The following PARD3B variants were observed in gnomAD, a reference collection of about 807,000 sequenced individuals.
PARD3B encodes the protein partitioning defective 3 homolog B.
Under a neutral mutation model 130.2 loss-of-function variants are expected in PARD3B, and 103 were observed. The observed-to-expected ratio is 0.79, with a 90% CI of 0.67 to 0.93. The LOEUF is 0.93. Ranked by LOEUF, PARD3B falls within the 40% of genes least tolerant of loss-of-function variation. The pLI, the probability that PARD3B is intolerant of heterozygous loss-of-function variation, is 0.00. For synonymous variants in PARD3B, 583 were observed against 553.2 expected (o/e 1.05, Z -0.76); for missense variants, 1,609 against 1,499.2 (o/e 1.07, Z -1.21).
At chr2:204,780,415 G>C (rs1017341183) in intron 2 of PARD3B, among the ~76,000 whole-genome samples, 74 of 152,238 alleles carry the variant, frequency 4.9e-4, no homozygotes, top group African/African-American at 1.7e-3. Context: ...CATCTAGAAA[G>C]AAAGGAAAGC....
At chr2:205,169,431 A>G (rs1250238016) in intron 11 of PARD3B, among the ~76,000 whole-genome samples, 2 of 152,182 alleles carry the variant, frequency 1.3e-5, no homozygotes. Flanking sequence ...TAAAAAATAA[A>G]AAGTTTGTGC....
chr2:205,172,082 A>T (rs971202467), intron 11 of PARD3B, 129 bp from the exon 12 acceptor site: 6 of 858,168 alleles, frequency 7.0e-6, no homozygotes, highest in Admixed American at 3.0e-5. Context: ...TGGAAAATAA[A>T]TCACTTCTAA....
intron 2 of PARD3B, among the ~76,000 whole-genome samples, chr2:204,699,099 C>T (rs1003450232): frequency 6.6e-6 from 1 of 152,002 alleles, no homozygotes; most frequent in Non-Finnish European, 1.5e-5. Flanking sequence ...CCAAAATTAT[C>T]TCAAAAAATA....
At chr2:204,662,804 C>T (rs2035870235) in intron 1 of PARD3B, among the ~76,000 whole-genome samples, 3 of 152,098 alleles carry the variant, frequency 2.0e-5, no homozygotes, top group African/African-American at 7.2e-5. Context: ...GTTTGACCCG[C>T]CATCAGTCCA....
Position 204,673,314 on chromosome 2 carries a change from G to C in PARD3B, c.121-12867G>C, listed in dbSNP as rs1020968521. 3.9e-5 allele frequency among the ~76,000 whole-genome samples: 6 copies of C among 152,148 alleles called. No individual in the cohort carries two copies. Among genetic ancestry groups the C allele is most frequent in the African/African-American group, 1.4e-4 (6 of 41,446 alleles). ...AAAGGTACCTTTAAACATATTTAAT[G>C]CTGATGTAAAAAGTAGTAGAATTTT... is the stretch of plus-strand genomic sequence containing the variant. On this transcript the variant is annotated intron_variant, in intron 1 of 22. Transcript: ENST00000406610. This position sits in a 1 kb window ranked among gnomAD's most constrained non-coding sequence, Gnocchi z 4.7.
intron 1 of PARD3B, among the ~76,000 whole-genome samples, chr2:204,640,031 A>G (rs1165902655): frequency 6.6e-6 from 1 of 152,022 alleles, no homozygotes; most frequent in East Asian, 1.9e-4. Flanking sequence ...AGGTGGGTAG[A>G]TTGCTTGAGC....
At chr2:205,260,679 A>G (rs1367302569) in intron 16 of PARD3B, among the ~76,000 whole-genome samples, 1 of 152,132 alleles carries the variant, frequency 6.6e-6, no homozygotes, top group East Asian at 1.9e-4. Flanking sequence ...GGAGAAAATA[A>G]ACTTGATTTA....
At chr2:204,941,950 T>G (rs1450805282) in intron 2 of PARD3B, among the ~76,000 whole-genome samples, 1 of 152,216 alleles carries the variant, frequency 6.6e-6, no homozygotes, top group Non-Finnish European at 1.5e-5. Context: ...TAGTCATTCC[T>G]AAATTCATAT....
At chr2:204,780,201 A>G (rs192312692) in intron 2 of PARD3B, among the ~76,000 whole-genome samples, 9 of 152,288 alleles carry the variant, frequency 5.9e-5, no homozygotes, top group African/African-American at 2.2e-4. Flanking sequence ...TAAGGATTTG[A>G]GTTCTTAGCC....
chr2:204,648,094 A>G (rs1312743828), intron 1 of PARD3B, among the ~76,000 whole-genome samples: 1 of 151,702 alleles, frequency 6.6e-6, no homozygotes, highest in African/African-American at 2.4e-5. Flanking sequence ...CAAAGGAGTT[A>G]TTTTTGAGGT....
chr2:204,623,031 A>G lies in PARD3B; in HGVS notation c.121-63150A>G, dbSNP rs1010011399. ...AGTGCTTTGTCAGAGATGGCAGACT[A>G]TAAATTGGATCTTGAATTCTGAATT... On this transcript the variant is annotated intron_variant, in intron 1 of 22. Transcript: ENST00000406610. This position sits in a 1 kb window ranked among gnomAD's most constrained non-coding sequence, Gnocchi z 4.5. Among the ~76,000 whole-genome samples the G allele has an allele frequency of 2.6e-5, 4 of 152,080 alleles. No individual in the cohort carries two copies. The highest frequency in any genetic ancestry group is 2.0e-4 in the Admixed American group (3 of 15,272).
At chr2:204,655,283 A>C (rs1424030693) in intron 1 of PARD3B, among the ~76,000 whole-genome samples, 1 of 152,146 alleles carries the variant, frequency 6.6e-6, no homozygotes, top group Non-Finnish European at 1.5e-5. Flanking sequence ...CAGTCAGCTG[A>C]TACTGCTCCC....
intron 1 of PARD3B, among the ~76,000 whole-genome samples, chr2:204,561,339 T>G (rs1422655242): frequency 6.6e-6 from 1 of 152,206 alleles, no homozygotes; most frequent in African/African-American, 2.4e-5. Flanking sequence ...TAGACTTTGG[T>G]AGTCACAGTG....
chr2:204,866,710 T>C (rs1193939002), intron 2 of PARD3B, among the ~76,000 whole-genome samples: 2 of 151,854 alleles, frequency 1.3e-5, no homozygotes, highest in Non-Finnish European at 2.9e-5. Flanking sequence ...TTTATGTATG[T>C]ATATGTGTGT....
chr2:205,554,827 T>C (rs2052805934), intron 22 of PARD3B, among the ~76,000 whole-genome samples: 2 of 152,196 alleles, frequency 1.3e-5, no homozygotes, highest in Admixed American at 6.5e-5. Flanking sequence ...AGGGATGATA[T>C]AACGTGTATG....
rs1037682915 is a variant in PARD3B at position 205,011,868 on chromosome 2, G to A, written c.395-35713G>A. Among the ~76,000 whole-genome samples the A allele has an allele frequency of 6.6e-6, 1 of 151,858 alleles. No homozygotes were observed. Among genetic ancestry groups the A allele is most frequent in the Non-Finnish European group, 1.5e-5 (1 of 67,976 alleles). On this transcript the variant is annotated intron_variant, in intron 3 of 22. Transcript: ENST00000406610. This position sits in a 1 kb window ranked among gnomAD's most constrained non-coding sequence, Gnocchi z 4.1. ...CCTGGCATCATTTAGATCAGAATTG[G>A]TCAGCCTACCCAGAAAATGCAACTC...
At chr2:204,817,018 C>T (rs2043172399) in intron 2 of PARD3B, among the ~76,000 whole-genome samples, 1 of 152,026 alleles carries the variant, frequency 6.6e-6, no homozygotes, top group Non-Finnish European at 1.5e-5. Flanking sequence ...CTGTTCATTC[C>T]ACCCAGTGCA....
At position 205,440,638 on chromosome 2, in the gene PARD3B, A is replaced by C. The variant is rs761718397; in HGVS notation, c.3010A>C (p.Asn1004His). Residue 1004 changes from asparagine (N) to histidine (H), a missense_variant, in exon 20 of 23, where the codon AAC becomes CAC. Asn to His is a moderately conservative substitution (Grantham distance 68). Transcript: ENST00000406610. The surrounding 1 kb of genome is among the most constrained non-coding windows in gnomAD (Gnocchi z 4.2). ...CTTAGAGGGTCTCTATGCCAAGGTCAACAAGCCATACCATCCACTGGTTCC... is the reference window on the plus strand; with the variant it reads ...CTTAGAGGGTCTCTATGCCAAGGTCCACAAGCCATACCATCCACTGGTTCC... ...DHLEGLYAKVNKPYHPLVPAD... is the reference protein window; with the variant it reads ...DHLEGLYAKVHKPYHPLVPAD... 6.2e-7 allele frequency: 1 copy of C among 1,613,942 alleles called. No homozygotes were observed. Among genetic ancestry groups the C allele is most frequent in the Non-Finnish European group, 8.5e-7 (1 of 1,179,886 alleles).
At chr2:204,663,998 T>G (rs552732359) in intron 1 of PARD3B, among the ~76,000 whole-genome samples, 176 of 152,276 alleles carry the variant, frequency 1.2e-3, no homozygotes, top group African/African-American at 3.9e-3. Flanking sequence ...CAAAAACTCT[T>G]TTCAGTATCC....
Sources: allele counts gnomAD v4.1 joint callset (sites outside exome capture counted in the v4.1 genomes callset), GRCh38; gene constraint gnomAD v4.1.1; non-coding constraint Gnocchi (gnomAD v3.1); transcripts MANE v1.5; gene names NCBI Gene and HGNC (gene_info 2026-07-23, HGNC 2026-07-21).